The following ADAMDEC1 variants were observed in gnomAD, a reference collection of about 807,000 sequenced individuals.
The protein encoded by ADAMDEC1 is ADAM like decysin 1, also known as ADAM DEC1.
A neutral mutation model predicts 60.4 loss-of-function variants in ADAMDEC1; 62 were observed. The ratio of observed to expected loss-of-function variants is 1.03; its 90% confidence interval spans 0.84 to 1.27. ADAMDEC1 has a LOEUF of 1.27. ADAMDEC1 is among the 50% of genes most tolerant of loss of function. ADAMDEC1 has a pLI of 0.00. For missense variants in ADAMDEC1, 595 were observed against 565.0 expected (o/e 1.05, Z -0.54); for synonymous variants, 210 against 195.1 (o/e 1.08, Z -0.64).
chr8:24,393,243 T>G lies in ADAMDEC1; in HGVS notation c.208-19T>G. ...ATGCTCAGAAATATAAATTGCTTGA[T>G]GTAATTAAATGTTTTCAGGAAAGGT... On this transcript the variant is annotated intron_variant, in intron 2 of 13. Transcript: ENST00000256412. The G allele has an allele frequency of 2.1e-6, 3 of 1,461,680 alleles. No homozygotes were observed. The highest frequency in any genetic ancestry group is 1.9e-6 in the Non-Finnish European group (2 of 1,059,054). The allele number at this position is 1,461,680 out of a possible 1,614,324, so 90.5% of individuals were successfully genotyped here.
At position 24,402,044 on chromosome 8, in the gene ADAMDEC1, G is replaced by A. The variant is rs1386192797; in HGVS notation, c.1272G>A (p.Gly424=). ...ATATAATGACAACACCAGTGTGTGGGAACCACCTTCTAGAAGTGGGAGAAG... is the reference window on the plus strand; with the variant it reads ...ATATAATGACAACACCAGTGTGTGGAAACCACCTTCTAGAAGTGGGAGAAG... ...PTNIMTTPVC[G]NHLLEVGEDC... Residue 424 remains glycine (G), a synonymous_variant, in exon 12 of 14, where the codon GGG becomes GGA. Transcript: ENST00000256412. The A allele has an allele frequency of 6.2e-7, 1 of 1,612,860 alleles. No homozygotes were observed. The highest frequency in any genetic ancestry group is 8.5e-7 in the Non-Finnish European group (1 of 1,179,266).
At chr8:24,387,194 G>A in intron 1 of ADAMDEC1, 1 of 152,324 alleles carries the variant, frequency 6.6e-6, no homozygotes, top group Non-Finnish European at 1.5e-5. Context: ...TCACTGGGCA[G>A]GTCAAGAGCT....
At chr8:24,389,673 T>C (rs1817387858) in intron 1 of ADAMDEC1, among the ~76,000 whole-genome samples, 1 of 152,192 alleles carries the variant, frequency 6.6e-6, no homozygotes, top group Non-Finnish European at 1.5e-5. Context: ...TTCATTTCCA[T>C]AACCAACCTA....
Position 24,384,539 on chromosome 8 carries a change from C to T in ADAMDEC1, c.35C>T (p.Ala12Val). The T allele has an allele frequency of 6.2e-7, 1 of 1,610,744 alleles. No homozygotes were observed. Among genetic ancestry groups the T allele is most frequent in the South Asian group, 1.1e-5 (1 of 90,516 alleles). Residue 12 changes from alanine to valine, a missense_variant, in exon 1 of 14, where the codon GCC becomes GTC. Physicochemically the swap from Ala to Val is moderately conservative, Grantham distance 64. Coordinates refer to ENST00000256412, the MANE Select transcript of ADAMDEC1 (RefSeq NM_014479.3). ...LRGISQLPAV[A>V]TMSWVLLPVL... ...GGGATCTCCCAGCTACCTGCAGTGGCCACCATGTCTTGGGTCCTGCTGCCT... is the reference window on the plus strand; with the variant it reads ...GGGATCTCCCAGCTACCTGCAGTGGTCACCATGTCTTGGGTCCTGCTGCCT...
At chr8:24,389,583 T>C (rs1817384773) in intron 1 of ADAMDEC1, among the ~76,000 whole-genome samples, 1 of 152,188 alleles carries the variant, frequency 6.6e-6, no homozygotes, top group African/African-American at 2.4e-5. Context: ...ATTATGTTAC[T>C]TCTCTACTCC....
intron 8 of ADAMDEC1, 72 bp downstream of exon 8, chr8:24,398,623 A>G: frequency 8.4e-7 from 1 of 1,192,348 alleles, no homozygotes; most frequent in Non-Finnish European, 1.2e-6. Context: ...CTAAGATTTC[A>G]CCAACAAGAA....
At position 24,384,716 on chromosome 8, in the gene ADAMDEC1, G is replaced by A. The variant is rs73217086; in HGVS notation, c.88+124G>A. 7,443 of 867,754 alleles carry A rather than the reference G, an allele frequency of 8.6e-3. 51 individuals are homozygous for A. Among genetic ancestry groups the A allele is most frequent in the Middle Eastern group, 0.037 (159 of 4,264 alleles). 53.8% of individuals were successfully genotyped at this position (867,754 alleles called of 1,614,324 possible). A position where few individuals can be genotyped will look rare whatever the true frequency, so the allele number is the denominator to read the frequency against. ...AAAGACCATTACCATTTGCATTTTG[G>A]TAGATTTTCTACCTCTCTGCAAAAG... On this transcript the variant is annotated intron_variant, in intron 1 of 13. Coordinates refer to ENST00000256412, the MANE Select transcript of ADAMDEC1 (RefSeq NM_014479.3).
At chr8:24,393,185 C>A in intron 2 of ADAMDEC1, 77 bp from the exon 3 acceptor site, 1 of 860,986 alleles carries the variant, frequency 1.2e-6, no homozygotes. Flanking sequence ...AATTGTTCTT[C>A]TAATACATAC....
chr8:24,402,303 T>TAA (rs1817785776), intron 12 of ADAMDEC1, among the ~76,000 whole-genome samples: 1 of 152,140 alleles, frequency 6.6e-6, no homozygotes, highest in Non-Finnish European at 1.5e-5. Flanking sequence ...TGAAGTTAAA[T>TAA]GTAAAAAAGT....
At chr8:24,402,318 T>G (rs183417547) in intron 12 of ADAMDEC1, among the ~76,000 whole-genome samples, 2 of 152,264 alleles carry the variant, frequency 1.3e-5, no homozygotes, top group East Asian at 3.9e-4. Flanking sequence ...AAAAGTAAAT[T>G]GTTAACTATA....
At chr8:24,393,745 T>A (rs1035368315) in intron 3 of ADAMDEC1, among the ~76,000 whole-genome samples, 1 of 152,158 alleles carries the variant, frequency 6.6e-6, no homozygotes, top group Non-Finnish European at 1.5e-5. Context: ...GCAATGGGCC[T>A]ATAAGCATAT....
At chr8:24,399,337 G>A in intron 9 of ADAMDEC1, 56 bp from the exon 10 acceptor site, 6 of 1,533,786 alleles carry the variant, frequency 3.9e-6, no homozygotes, top group Non-Finnish European at 4.5e-6. Flanking sequence ...ATTAACAAAA[G>A]CTAATGGTTA....
chr8:24,392,869 T>G (rs1027810664), intron 2 of ADAMDEC1, among the ~76,000 whole-genome samples: 2 of 151,286 alleles, frequency 1.3e-5, no homozygotes, highest in Non-Finnish European at 2.9e-5. Flanking sequence ...GTTACCTAAT[T>G]CTTAGTGGGT....
chr8:24,392,467 G>A, intron 2 of ADAMDEC1, 87 bp downstream of exon 2: 7 of 955,986 alleles, frequency 7.3e-6, no homozygotes, highest in Non-Finnish European at 1.1e-5. Flanking sequence ...TGATGTTACA[G>A]TTACTATGTA....
Position 24,398,932 on chromosome 8 carries a change from G to A in ADAMDEC1, c.821G>A (p.Gly274Glu), listed in dbSNP as rs1817687137. Reference protein sequence around the residue: ...ALVGMEIWSDGDKIKVVPSAS... With the variant: ...ALVGMEIWSDEDKIKVVPSAS... ...GTAGGTATGGAAATCTGGTCTGATGGGGATAAGATAAAGGTGGTGCCCAGC... is the reference window on the plus strand; with the variant it reads ...GTAGGTATGGAAATCTGGTCTGATGAGGATAAGATAAAGGTGGTGCCCAGC... The change falls in exon 9 of 14, where the codon GGG becomes GAG. Residue 274 changes from glycine to glutamate, a missense_variant. Physicochemically the swap from Gly to Glu is moderately conservative, Grantham distance 98 (BLOSUM62 -2). Coordinates refer to ENST00000256412, the MANE Select transcript of ADAMDEC1 (RefSeq NM_014479.3). 1.2e-6 allele frequency: 2 copies of A among 1,613,708 alleles called. No homozygotes were observed. Among genetic ancestry groups the A allele is most frequent in the Non-Finnish European group, 1.7e-6 (2 of 1,179,882 alleles).
chr8:24,398,862 C>G lies in ADAMDEC1; in HGVS notation c.763-12C>G, dbSNP rs1202529878. ...CTGAACATTTTTATGAAGATAAATG[C>G]TCTTTCCACAGATATATAACACCAT... On this transcript the variant is annotated splice_polypyrimidine_tract_variant and intron_variant, in intron 8 of 13. Coordinates refer to ENST00000256412, the MANE Select transcript of ADAMDEC1 (RefSeq NM_014479.3). 1 of 1,610,116 alleles carries G rather than the reference C, an allele frequency of 6.2e-7. No homozygotes were observed. Among genetic ancestry groups the G allele is most frequent in the South Asian group, 1.1e-5 (1 of 89,894 alleles).
intron 1 of ADAMDEC1, among the ~76,000 whole-genome samples, chr8:24,386,425 C>T (rs568227416): frequency 1.3e-5 from 2 of 152,288 alleles, no homozygotes; most frequent in Admixed American, 1.3e-4. Context: ...TTCAGCATTA[C>T]ATTTGTATTG....
chr8:24,390,228 T>C (rs559746434), intron 1 of ADAMDEC1: 11 of 1,114,886 alleles, frequency 9.9e-6, no homozygotes, highest in Non-Finnish European at 1.3e-5. Flanking sequence ...GGTAAGTTGC[T>C]TACTGTCTAG....
rs150156030 is a variant in ADAMDEC1 at position 24,398,894 on chromosome 8, T to C, written c.783T>C (p.Val261=). ...CACAGATATATAACACCATAGATGT[T>C]CAAGTGGCCTTGGTAGGTATGGAAA... ...LLNVIYNTID[V]QVALVGMEIW... is the part of the protein sequence containing the mutation. Residue 261 remains valine (V), a synonymous_variant, in exon 9 of 14, where the codon GTT becomes GTC. Transcript: ENST00000256412. 1.9e-6 allele frequency: 3 copies of C among 1,613,848 alleles called. No individual in the cohort carries two copies. Among genetic ancestry groups the C allele is most frequent in the Non-Finnish European group, 2.5e-6 (3 of 1,179,878 alleles).
Sources: gnomAD v4.1 joint callset for allele counts (sites outside exome capture counted in the v4.1 genomes callset) on GRCh38, gnomAD v4.1.1 for gene constraint, MANE v1.5 for transcripts, NCBI Gene and HGNC (gene_info 2026-07-23, HGNC 2026-07-21) for gene names.